RNF44: variants seen among roughly 807,000 people sequenced by gnomAD.
RNF44 encodes the protein ring finger protein 44.
Under a neutral mutation model 53.6 loss-of-function variants are expected in RNF44, and 25 were observed. The ratio of observed to expected loss-of-function variants is 0.47; its 90% CI spans 0.34 to 0.65. The LOEUF (loss-of-function observed/expected upper bound fraction) is 0.65, where lower values mean the gene tolerates loss of function less well. Ranked by LOEUF, RNF44 falls within the 30% of genes least tolerant of loss-of-function variation. RNF44 has a pLI of 0.01. For missense variants in RNF44, 581 were observed against 595.5 expected (o/e 0.98, Z 0.25); for synonymous variants, 282 against 252.2 (o/e 1.12, Z -1.12).
chr5:176,529,162 G>T, intron 10 of RNF44, 72 bp from the exon 11 acceptor site: 2 of 1,588,132 alleles, frequency 1.3e-6, no homozygotes, highest in Non-Finnish European at 1.7e-6. Flanking sequence ...CCACCTGGGG[G>T]GACTTGGTCC....
chr5:176,542,452 C>G (rs1277472502), upstream of RNF44: 2 of 152,218 alleles, frequency 1.3e-5, no homozygotes, highest in African/African-American at 2.4e-5. Flanking sequence ...GGGGCGTTCC[C>G]CTTTCTGACT....
rs780322887 is a variant in RNF44 at position 176,532,030 on chromosome 5, G to A, written c.271C>T (p.Pro91Ser). 11 of 1,611,462 alleles carry A rather than the reference G, an allele frequency of 6.8e-6. No homozygotes were observed. In the East Asian group the frequency reaches 2.5e-4, roughly 36 times the overall value. The part of the protein sequence containing the change: ...RMLHPATQQS[P>S]FMVDLHEQVH... ...TGCTCGTGGAGATCAACCATGAACGGGCTCTGCTGGGTGGCTGGGTGCAGC... is the reference window on the plus strand; with the variant it reads ...TGCTCGTGGAGATCAACCATGAACGAGCTCTGCTGGGTGGCTGGGTGCAGC... Residue 91 changes from proline to serine, a missense_variant, in exon 3 of 11, where the codon CCG becomes TCG. Pro to Ser is a moderately conservative substitution (Grantham distance 74). This residue lies in a region of RNF44 where 387 missense variants were observed against 366.0 expected (regional missense o/e 1.06). Coordinates refer to ENST00000274811, the MANE Select transcript of RNF44 (RefSeq NM_014901.5).
chr5:176,541,167 C>G (rs1757440020), upstream of RNF44, among the ~76,000 whole-genome samples: 1 of 152,228 alleles, frequency 6.6e-6, no homozygotes, highest in Non-Finnish European at 1.5e-5. Context: ...CACCTCTGCT[C>G]TGGCATCTGC....
chr5:176,532,341 C>T, intron 2 of RNF44, 25 bp downstream of exon 2: 2 of 1,591,896 alleles, frequency 1.3e-6, no homozygotes, highest in Non-Finnish European at 1.7e-6. Context: ...TGCCCCAGCA[C>T]CAGGACTGGG....
In RNF44 at chr5:176,532,747, CAAA is replaced by C. The variant is rs3051911; in HGVS notation, c.-44-234_-44-232del. 1.9e-3 allele frequency among the ~76,000 whole-genome samples: 141 copies of C among 72,610 alleles called. 6 individuals carry two copies. The highest frequency in any genetic ancestry group is 5.6e-3 in the African/African-American group (103 of 18,540). 47.6% of individuals were successfully genotyped at this position (72,610 alleles called of 152,430 possible). A position where few individuals can be genotyped will look rare whatever the true frequency, so the allele number is the denominator to read the frequency against. On this transcript the variant is annotated intron_variant, in intron 1 of 10. Transcript: ENST00000274811. Reference sequence around the variant, plus strand: ...TGGTGACAGAGCGAGACTCCCGTCTCAAAAAAAAAAAAAAAAAAAGAAAGAAAC... The same window carrying C: ...TGGTGACAGAGCGAGACTCCCGTCTCAAAAAAAAAAAAAAAAGAAAGAAAC...
Position 176,531,354 on chromosome 5 carries a change from G to C in RNF44, c.465+109C>G, listed in dbSNP as rs976729775. The C allele has an allele frequency of 3.6e-6, 4 of 1,100,354 alleles. No individual in the cohort carries two copies. In the African/African-American group the frequency reaches 6.3e-5, roughly 17 times the overall value. The allele number at this position is 1,100,354 out of a possible 1,614,324, so 68.2% of individuals were successfully genotyped here. On this transcript the variant is annotated intron_variant, in intron 4 of 10. Transcript: ENST00000274811. The surrounding 1 kb of genome is among the most constrained non-coding windows in gnomAD (Gnocchi z 4.2). ...GCCAGGCAGGCGCTCTGACAGCCTGGATGGCTGGATAGCTCAGCCCAGTTC... is the reference window on the plus strand; with the variant it reads ...GCCAGGCAGGCGCTCTGACAGCCTGCATGGCTGGATAGCTCAGCCCAGTTC...
At chr5:176,536,637 C>A (rs903236324) in intron 1 of RNF44, among the ~76,000 whole-genome samples, 8 of 152,178 alleles carry the variant, frequency 5.3e-5, no homozygotes, top group African/African-American at 1.9e-4. Context: ...AGCCGAGGAT[C>A]CCGGACCATG....
chr5:176,529,651 G>A lies in RNF44; in HGVS notation c.1015-7C>T. 3 of 1,613,722 alleles carry A rather than the reference G, an allele frequency of 1.9e-6. No homozygotes were observed. Among genetic ancestry groups the A allele is most frequent in the Non-Finnish European group, 2.5e-6 (3 of 1,179,878 alleles). On this transcript the variant is annotated splice_polypyrimidine_tract_variant and splice_region_variant and intron_variant, in intron 8 of 10. Transcript: ENST00000274811. ...CGGCCAGGTTCAGGAGGGCCTGCAT[G>A]CGGGCAGGAGACGGGGTCAGCGGCG...
At position 176,532,473 on chromosome 5, in the gene RNF44, C is replaced by T. The variant is rs763018706; in HGVS notation, c.-1G>A. The T allele has an allele frequency of 2.4e-5, 17 of 705,804 alleles. No individual in the cohort carries two copies. The highest frequency in any genetic ancestry group is 1.1e-4 in the South Asian group (7 of 66,330). The allele number at this position is 705,804 out of a possible 1,614,324, so 43.7% of individuals were successfully genotyped here. A position where few individuals can be genotyped will look rare whatever the true frequency, so the allele number is the denominator to read the frequency against. On this transcript the variant is annotated 5_prime_UTR_variant, in exon 2 of 11. Transcript: ENST00000274811. Reference sequence around the variant, plus strand: ...TCACTGCCAGAGCCCATGGTCGCATCGGGGGGGCAGGGGGGTGGAGGGGCT... The same window carrying T: ...TCACTGCCAGAGCCCATGGTCGCATTGGGGGGGCAGGGGGGTGGAGGGGCT...
In RNF44 at chr5:176,529,643, G is replaced by C; in HGVS notation, c.1016C>G (p.Ala339Gly). The change falls in exon 9 of 11, where the codon GCC becomes GGC. Residue 339 changes from alanine to glycine, a missense_variant and splice_region_variant. By Grantham distance (60) the Ala-to-Gly change is moderately conservative. Coordinates refer to ENST00000274811, the MANE Select transcript of RNF44 (RefSeq NM_014901.5). ...CAGCCGCTCGGCCAGGTTCAGGAGG[G>C]CCTGCATGCGGGCAGGAGACGGGGT... ...VDDVEMENYEALLNLAERLGD... is the reference protein window; with the variant it reads ...VDDVEMENYEGLLNLAERLGD... 6.2e-7 allele frequency: 1 copy of C among 1,613,830 alleles called. No homozygotes were observed. The highest frequency in any genetic ancestry group is 1.1e-5 in the South Asian group (1 of 91,082).
upstream of RNF44, among the ~76,000 whole-genome samples, chr5:176,539,972 C>T (rs755131058): frequency 8.5e-5 from 13 of 152,220 alleles, no homozygotes; most frequent in Non-Finnish European, 1.8e-4. Flanking sequence ...CCTCTCTTTT[C>T]CTTTCTGCCA....
Position 176,527,289 on chromosome 5 carries a change from C to T in RNF44, c.*1739G>A, listed in dbSNP as rs1192440430. ...CATCCTAAGTAATTGTTGTATAAAT[C>T]TTGTTTTTTAATGATGATCTTTTTA... On this transcript the variant is annotated 3_prime_UTR_variant, in exon 11 of 11. Transcript: ENST00000274811. 1 of 152,522 alleles carries T rather than the reference C, an allele frequency of 6.6e-6. No individual in the cohort carries two copies. The allele number at this position is 152,522 out of a possible 1,614,324, so 9.4% of individuals were successfully genotyped here.
At position 176,532,041 on chromosome 5, in the gene RNF44, G is replaced by A; in HGVS notation, c.260C>T (p.Thr87Ile). The A allele has an allele frequency of 6.2e-7, 1 of 1,611,690 alleles. No homozygotes were observed. The highest frequency in any genetic ancestry group is 1.7e-5 in the Admixed American group (1 of 59,598). Reference protein sequence around the residue: ...GGSPRMLHPATQQSPFMVDLH... With the variant: ...GGSPRMLHPAIQQSPFMVDLH... ...ATCAACCATGAACGGGCTCTGCTGGGTGGCTGGGTGCAGCATTCGGGGGCT... is the reference window on the plus strand; with the variant it reads ...ATCAACCATGAACGGGCTCTGCTGGATGGCTGGGTGCAGCATTCGGGGGCT... Residue 87 changes from threonine (T) to isoleucine (I), a missense_variant, in exon 3 of 11, where the codon ACC becomes ATC. Thr to Ile is a moderately conservative substitution (Grantham distance 89, BLOSUM62 -1). Coordinates refer to ENST00000274811, the MANE Select transcript of RNF44 (RefSeq NM_014901.5).
At position 176,531,892 on chromosome 5, in the gene RNF44, T is replaced by C. The variant is rs943566835; in HGVS notation, c.297+112A>G. 6 of 1,205,808 alleles carry C rather than the reference T, an allele frequency of 5.0e-6. No homozygotes were observed. Among genetic ancestry groups the C allele is most frequent in the Middle Eastern group, 2.1e-4 (1 of 4,702 alleles). The allele number at this position is 1,205,808 out of a possible 1,614,324, so 74.7% of individuals were successfully genotyped here. On this transcript the variant is annotated intron_variant, in intron 3 of 10. Transcript: ENST00000274811. The surrounding 1 kb of genome is among the most constrained non-coding windows in gnomAD (Gnocchi z 4.2). ...CCTACCTGTAAAGCAGGGCCAATAA[T>C]GCCTCCCTGGAACGTGAAATGAAGC...
At chr5:176,542,091 C>A (rs1427351980), upstream of RNF44, among the ~76,000 whole-genome samples, 1 of 152,220 alleles carries the variant, frequency 6.6e-6, no homozygotes, top group Non-Finnish European at 1.5e-5. Flanking sequence ...CCGTCTGGGG[C>A]TCTGGCCCTC....
upstream of RNF44, among the ~76,000 whole-genome samples, chr5:176,541,017 G>A (rs143737509): frequency 1.3e-5 from 2 of 152,348 alleles, no homozygotes; most frequent in East Asian, 3.9e-4. Flanking sequence ...TACTGTGCGA[G>A]CCTTGTTCTC....
chr5:176,528,678 G>GTC lies in RNF44; in HGVS notation c.*349_*350insGA. 9 of 336,874 alleles carry GTC rather than the reference G, an allele frequency of 2.7e-5. No homozygotes were observed. Among genetic ancestry groups the GTC allele is most frequent in the South Asian group, 9.2e-5 (2 of 21,690 alleles). 20.9% of individuals were successfully genotyped at this position (336,874 alleles called of 1,614,324 possible). On this transcript the variant is annotated 3_prime_UTR_variant, in exon 11 of 11. Transcript: ENST00000274811. ...ATGGTGCTCTGTCTGCCCATCCTGG[G>GTC]GCCAAGGATCTCCACCGGCCCCACT...
chr5:176,535,473 G>A (rs1757068212), intron 1 of RNF44, among the ~76,000 whole-genome samples: 1 of 152,168 alleles, frequency 6.6e-6, no homozygotes, highest in East Asian at 1.9e-4. Flanking sequence ...CAGGAACAGG[G>A]GTGGCGTAGA....
chr5:176,539,814 G>A (rs1191690678), upstream of RNF44, among the ~76,000 whole-genome samples: 1 of 152,090 alleles, frequency 6.6e-6, no homozygotes, highest in Non-Finnish European at 1.5e-5. Flanking sequence ...CTGGTTTTGG[G>A]GCTGCACTTA....
Sources: gnomAD v4.1 joint callset for allele counts (sites outside exome capture counted in the v4.1 genomes callset) on GRCh38, gnomAD v4.1.1 for gene constraint, gnomAD v4.1.1 regional missense constraint, Gnocchi (gnomAD v3.1) non-coding constraint, MANE v1.5 for transcripts, NCBI Gene and HGNC (gene_info 2026-07-23, HGNC 2026-07-21) for gene names.